GPC6: variants seen among roughly 807,000 people sequenced by gnomAD.
GPC6 encodes the protein glypican 6.
In GPC6, 14 loss-of-function variants were observed where a neutral mutation model predicts 55.2. The observed-to-expected ratio is 0.25, with a 90% CI of 0.17 to 0.40. The LOEUF is 0.40. Among genes scored for constraint, GPC6 ranks in the 10% least tolerant of loss-of-function variants. GPC6 has a pLI of 1.00. For missense variants in GPC6, 641 were observed against 708.5 expected, an observed-to-expected ratio of 0.90 and a Z score of 1.08; for synonymous variants, 278 against 259.6, an observed-to-expected ratio of 1.07 and a Z score of -0.68.
chr13:94,353,927 G>A (rs553678328), intron 6 of GPC6, among the ~76,000 whole-genome samples: 12 of 151,148 alleles, frequency 7.9e-5, no homozygotes, highest in African/African-American at 2.9e-4. Context: ...CGAATCCAGT[G>A]ATACTGAAGA....
chr13:93,342,194 G>T (rs537556994), intron 1 of GPC6, among the ~76,000 whole-genome samples: 2 of 152,162 alleles, frequency 1.3e-5, no homozygotes, highest in African/African-American at 2.4e-5. Context: ...TTTTGATGTA[G>T]GTTCTTAGGG....
At chr13:93,455,400 T>C (rs1878413897) in intron 1 of GPC6, among the ~76,000 whole-genome samples, 1 of 152,064 alleles carries the variant, frequency 6.6e-6, no homozygotes, top group Admixed American at 6.6e-5. Context: ...GGTTGATGTT[T>C]TGATCAACTA....
chr13:93,860,680 G>C (rs929128333), intron 3 of GPC6, among the ~76,000 whole-genome samples: 21 of 151,562 alleles, frequency 1.4e-4, no homozygotes, highest in Non-Finnish European at 2.8e-4. Context: ...CTTCAAGGTG[G>C]AAGTGGGATA....
At chr13:93,621,165 G>A (rs1878936746) in intron 2 of GPC6, among the ~76,000 whole-genome samples, 1 of 152,026 alleles carries the variant, frequency 6.6e-6, no homozygotes, top group Non-Finnish European at 1.5e-5. Context: ...AATTACTCAA[G>A]AGCCAGGTTG....
chr13:93,591,904 G>A (rs1212951066), intron 2 of GPC6, among the ~76,000 whole-genome samples: 1 of 152,080 alleles, frequency 6.6e-6, no homozygotes, highest in Non-Finnish European at 1.5e-5. Flanking sequence ...CTAAATATGG[G>A]CCAATTATTT....
At chr13:93,438,935 C>G (rs572058507) in intron 1 of GPC6, among the ~76,000 whole-genome samples, 23 of 152,112 alleles carry the variant, frequency 1.5e-4, no homozygotes, top group Non-Finnish European at 2.1e-4. Context: ...CAATGTCCAG[C>G]AACCACTTCC....
intron 1 of GPC6, among the ~76,000 whole-genome samples, chr13:93,381,182 G>A (rs1035230668): frequency 6.6e-6 from 1 of 151,940 alleles, no homozygotes; most frequent in African/African-American, 2.4e-5. Context: ...GAAATATATA[G>A]ACAAATAATA....
At chr13:93,363,597 G>A (rs1222975310) in intron 1 of GPC6, among the ~76,000 whole-genome samples, 9 of 151,822 alleles carry the variant, frequency 5.9e-5, no homozygotes, top group South Asian at 4.2e-4. Flanking sequence ...ATAAACATAC[G>A]TGTGCATGTG....
At chr13:93,644,525 A>T (rs1880090020) in intron 2 of GPC6, among the ~76,000 whole-genome samples, 1 of 152,066 alleles carries the variant, frequency 6.6e-6, no homozygotes, top group Admixed American at 6.6e-5. Context: ...AGAAAGTTTA[A>T]GTAAAGTTAA....
chr13:93,976,937 C>T (rs1457591196), intron 3 of GPC6, among the ~76,000 whole-genome samples: 2 of 152,116 alleles, frequency 1.3e-5, no homozygotes, highest in Non-Finnish European at 2.9e-5. Flanking sequence ...ATAAACAAGT[C>T]GTACTTCACA....
chr13:94,130,276 A>G (rs1431095912), intron 4 of GPC6, among the ~76,000 whole-genome samples: 3 of 152,082 alleles, frequency 2.0e-5, no homozygotes, highest in Non-Finnish European at 4.4e-5. Flanking sequence ...CAGGCCTCCT[A>G]GCTTTTTTAT....
chr13:94,086,417 C>A (rs1423300772), intron 4 of GPC6, among the ~76,000 whole-genome samples: 2 of 151,900 alleles, frequency 1.3e-5, no homozygotes, highest in African/African-American at 4.8e-5. Context: ...CACACCCCAG[C>A]CATAGCACCC....
In GPC6 at chr13:94,285,946, G is replaced by A. The variant is rs796872768; in HGVS notation, c.878-403G>A. Among the ~76,000 whole-genome samples, 4 of 152,158 alleles carry A rather than the reference G, an allele frequency of 2.6e-5. No individual in the cohort carries two copies. The South Asian group carries it at 6.2e-4, about 24-fold the overall frequency. Reference sequence around the variant, plus strand: ...GCTTCAACTGGGTCTTGACTTTTGTGCATCCAAATTCACAAATCAGCACTT... The same window carrying A: ...GCTTCAACTGGGTCTTGACTTTTGTACATCCAAATTCACAAATCAGCACTT... On this transcript the variant is annotated intron_variant, in intron 4 of 8. Coordinates refer to ENST00000377047, the MANE Select transcript of GPC6 (RefSeq NM_005708.5).
chr13:93,279,682 G>A (rs753471447), intron 1 of GPC6, among the ~76,000 whole-genome samples: 80 of 152,332 alleles, frequency 5.3e-4, no homozygotes, highest in Middle Eastern at 6.8e-3. Context: ...AGGCAGGGCA[G>A]TGCATAGCTC....
At chr13:93,874,199 C>T (rs895172676) in intron 3 of GPC6, among the ~76,000 whole-genome samples, 2 of 151,896 alleles carry the variant, frequency 1.3e-5, no homozygotes, top group East Asian at 2.0e-4. Context: ...GATCCTCTCC[C>T]TCCTCCCATC....
chr13:93,988,353 A>G (rs989914459), intron 3 of GPC6, among the ~76,000 whole-genome samples: 9 of 152,170 alleles, frequency 5.9e-5, no homozygotes, highest in African/African-American at 2.2e-4. Context: ...TGCCAGCCAC[A>G]TGCCAGCCTT....
chr13:93,910,066 T>C (rs1340170477), intron 3 of GPC6, among the ~76,000 whole-genome samples: 2 of 151,870 alleles, frequency 1.3e-5, no homozygotes, highest in African/African-American at 4.8e-5. Context: ...TGTGTTTGTG[T>C]GTGTGTGTGT....
intron 1 of GPC6, among the ~76,000 whole-genome samples, chr13:93,423,274 C>G (rs1417756226): frequency 6.6e-6 from 1 of 152,102 alleles, no homozygotes; most frequent in Non-Finnish European, 1.5e-5. Flanking sequence ...GTATCTCATC[C>G]CATAACTGTT....
At chr13:93,889,923 T>C (rs1210659418) in intron 3 of GPC6, among the ~76,000 whole-genome samples, 4 of 152,004 alleles carry the variant, frequency 2.6e-5, no homozygotes, top group South Asian at 4.1e-4. Flanking sequence ...GAACCAGTAA[T>C]GCAGTGACAT....
Sources: gnomAD v4.1 joint callset for allele counts (sites outside exome capture counted in the v4.1 genomes callset) on GRCh38, gnomAD v4.1.1 for gene constraint, MANE v1.5 for transcripts, NCBI Gene and HGNC (gene_info 2026-07-23, HGNC 2026-07-21) for gene names.